Variants in MAPK6 observed in about 807,000 individuals in gnomAD.
MAPK6 encodes the protein mitogen-activated protein kinase 6.
MAPK6 carries 19 observed loss-of-function variants against 59.3 expected under a neutral mutation model. The observed-to-expected ratio is 0.32, with a 90% CI of 0.22 to 0.47. MAPK6 has a LOEUF of 0.47. Ranked by LOEUF, MAPK6 falls within the 20% of genes least tolerant of loss-of-function variation. The pLI, the probability that MAPK6 is intolerant of heterozygous loss-of-function variation, is 1.00. For missense variants in MAPK6, 724 were observed against 847.9 expected (o/e 0.85, Z 1.81); for synonymous variants, 316 against 290.3 (o/e 1.09, Z -0.90).
chr15:52,032,592 A>G (rs1307474130), intron 1 of MAPK6, among the ~76,000 whole-genome samples: 1 of 151,982 alleles, frequency 6.6e-6, no homozygotes, highest in Non-Finnish European at 1.5e-5. Flanking sequence ...CATTTGGTGT[A>G]TTTTTCTTTC....
Position 52,066,763 on chromosome 15 carries a change from C to CACGT in MAPK6, c.*1763_*1764insACGT, listed in dbSNP as rs1555401181. 6.7e-6 allele frequency: 1 copy of CACGT among 148,858 alleles called. No homozygotes were observed. The highest frequency in any genetic ancestry group is 1.5e-5 in the Non-Finnish European group (1 of 66,998). 9.2% of individuals were successfully genotyped at this position (148,858 alleles called of 1,614,324 possible). A position where few individuals can be genotyped will look rare whatever the true frequency, so the allele number is the denominator to read the frequency against. On this transcript the variant is annotated 3_prime_UTR_variant, in exon 6 of 6. Coordinates refer to ENST00000261845, the MANE Select transcript of MAPK6 (RefSeq NM_002748.4). ...GGATTCACAAAGCCATATATATACA[C>CACGT]GTGTGTGTGTGTGTGTGTGTGTGTG...
intron 5 of MAPK6, among the ~76,000 whole-genome samples, chr15:52,062,918 T>G (rs2032260348): frequency 1.3e-5 from 2 of 152,022 alleles, no homozygotes; most frequent in African/African-American, 2.4e-5. Context: ...TGGCCAAGTT[T>G]GGGAACCACT....
intron 1 of MAPK6, among the ~76,000 whole-genome samples, chr15:52,039,457 G>T (rs2031345305): frequency 6.6e-6 from 1 of 151,500 alleles, no homozygotes; most frequent in Non-Finnish European, 1.5e-5. Flanking sequence ...ATGTAGGCAA[G>T]GGCTTAAACA....
upstream of MAPK6, among the ~76,000 whole-genome samples, chr15:52,016,296 G>A (rs1206428218): frequency 1.3e-5 from 2 of 151,274 alleles, no homozygotes; most frequent in Non-Finnish European, 2.9e-5. Context: ...GGCTGACACA[G>A]GAGAATTGCT....
At position 52,026,295 on chromosome 15, in the gene MAPK6, G is replaced by A. The variant is rs113563535; in HGVS notation, c.-632+6919G>A. On this transcript the variant is annotated intron_variant, in intron 1 of 5. Transcript: ENST00000261845. ...ACCTCCTACCTTTTTTTGTTTTGTTGTTGTCGTTGTTTTGAGACGGAGTTT... is the reference window on the plus strand; with the variant it reads ...ACCTCCTACCTTTTTTTGTTTTGTTATTGTCGTTGTTTTGAGACGGAGTTT... Among the ~76,000 whole-genome samples, 167 of 151,744 alleles carry A rather than the reference G, an allele frequency of 1.1e-3. 1 individual carries two copies. Among genetic ancestry groups the A allele is most frequent in the African/African-American group, 3.6e-3 (151 of 41,430 alleles).
intron 2 of MAPK6, among the ~76,000 whole-genome samples, chr15:52,003,485 G>A (rs527751214): frequency 7.9e-5 from 12 of 152,300 alleles, no homozygotes; most frequent in Middle Eastern, 3.4e-3. Context: ...AGGCAAACCC[G>A]GAAGGAAATG....
At chr15:52,001,204 C>T (rs2057240951) in intron 2 of MAPK6, among the ~76,000 whole-genome samples, 1 of 152,170 alleles carries the variant, frequency 6.6e-6, no homozygotes. Flanking sequence ...TTCCTCCTCT[C>T]CAGAGGATGC....
intron 1 of MAPK6, among the ~76,000 whole-genome samples, chr15:52,020,446 C>T (rs2030481135): frequency 6.6e-6 from 1 of 151,634 alleles, no homozygotes. Context: ...AAGATGCAGT[C>T]TCAGTAATGA....
chr15:52,027,806 T>C (rs1034739926), intron 1 of MAPK6: 2 of 151,670 alleles, frequency 1.3e-5, no homozygotes, highest in African/African-American at 4.8e-5. Context: ...GGAGTCTCAC[T>C]CTGTTGGCCA....
intron 3 of MAPK6, among the ~76,000 whole-genome samples, chr15:52,013,134 C>A (rs1275443066): frequency 6.8e-6 from 1 of 146,168 alleles, no homozygotes; most frequent in Non-Finnish European, 1.5e-5. Flanking sequence ...GTCATGCACT[C>A]TTTGAATCAA....
At chr15:52,049,010 A>G (rs2031690314) in intron 2 of MAPK6, among the ~76,000 whole-genome samples, 1 of 152,226 alleles carries the variant, frequency 6.6e-6, no homozygotes, top group African/African-American at 2.4e-5. Context: ...AACTAGCTAT[A>G]TGACTTGAAG....
At chr15:51,983,951 A>T (rs893156709) in intron 2 of MAPK6, among the ~76,000 whole-genome samples, 1 of 151,860 alleles carries the variant, frequency 6.6e-6, no homozygotes, top group East Asian at 1.9e-4. Flanking sequence ...ATGCCACTTC[A>T]CTCTAGTCTG....
At chr15:52,015,927 G>A (rs1281198021), upstream of MAPK6, among the ~76,000 whole-genome samples, 12 of 3,824 alleles carry the variant, frequency 3.1e-3, no homozygotes, top group South Asian at 0.25. Context: ...GCGTGGTGGC[G>A]CGCCCTGTAA....
Position 52,061,372 on chromosome 15 carries a change from T to A in MAPK6, c.939T>A (p.His313Gln). Residue 313 changes from histidine (H) to glutamine (Q), a missense_variant, in exon 5 of 6, where the codon CAT (histidine) becomes CAA (glutamine). Around this residue, in one of 4 missense-constraint regions of MAPK6, gnomAD observed 502 missense variants for 507.6 expected, o/e 0.99. Transcript: ENST00000261845. The part of the protein sequence containing the change: ...DRLTAEEALS[H>Q]PYMSIYSFPM... ...TAACAGCAGAAGAAGCACTCTCCCA[T>A]CCTTACATGAGCATATATTCTTTTC... 1 of 1,614,088 alleles carries A rather than the reference T, an allele frequency of 6.2e-7. No individual in the cohort carries two copies. The highest frequency in any genetic ancestry group is 8.5e-7 in the Non-Finnish European group (1 of 1,179,962).
chr15:52,019,444 C>CAGG, intron 1 of MAPK6, 68 bp downstream of exon 1: 1 of 146,480 alleles, frequency 6.8e-6, no homozygotes, highest in South Asian at 1.8e-4. Flanking sequence ...CGCGGCGGGC[C>CAGG]CGGCGGCGGC....
chr15:52,058,864 C>G, intron 4 of MAPK6, 67 bp downstream of exon 4: 1 of 1,372,874 alleles, frequency 7.3e-7, no homozygotes, highest in Middle Eastern at 1.9e-4. Flanking sequence ...TGTAGGGAAG[C>G]TGGAGCTTTT....
chr15:52,024,477 T>A (rs2141855887), intron 1 of MAPK6: 1 of 151,864 alleles, frequency 6.6e-6, no homozygotes, highest in East Asian at 1.9e-4. Flanking sequence ...CTTGGCTCAC[T>A]GCAAGCTCCG....
At chr15:52,048,087 C>T (rs1273186634) in intron 2 of MAPK6, among the ~76,000 whole-genome samples, 1 of 152,126 alleles carries the variant, frequency 6.6e-6, no homozygotes, top group Non-Finnish European at 1.5e-5. Flanking sequence ...GTTAGCTTTC[C>T]ACAGTACATG....
At chr15:52,035,223 A>G (rs553662224) in intron 1 of MAPK6, among the ~76,000 whole-genome samples, 22 of 152,290 alleles carry the variant, frequency 1.4e-4, no homozygotes, top group African/African-American at 4.6e-4. Context: ...TGTTTATTCC[A>G]TGCTTCCTGT....
Sources: allele counts gnomAD v4.1 joint callset (sites outside exome capture counted in the v4.1 genomes callset), GRCh38; gene constraint gnomAD v4.1.1; regional missense constraint gnomAD v4.1.1; transcripts MANE v1.5; gene names NCBI Gene and HGNC (gene_info 2026-07-23, HGNC 2026-07-21).